The following PJA2 variants were observed in gnomAD, a reference collection of about 807,000 sequenced individuals.
PJA2 encodes praja ring finger ubiquitin ligase 2.
In PJA2, 25 loss-of-function variants were observed where a neutral mutation model predicts 69.3. That is an observed-to-expected ratio of 0.36 (90% confidence interval 0.26 to 0.50). PJA2 has a LOEUF of 0.50. Ranked by LOEUF, PJA2 falls within the 20% of genes least tolerant of loss-of-function variation. PJA2 has a pLI of 0.96. For synonymous variants in PJA2, 308 were observed against 277.8 expected (o/e 1.11, Z -1.08); for missense variants, 809 against 830.2 (o/e 0.97, Z 0.31).
intron 9 of PJA2, among the ~76,000 whole-genome samples, chr5:109,341,551 G>GGT (rs1762058540): frequency 1.4e-5 from 2 of 141,948 alleles, no homozygotes; most frequent in African/African-American, 5.3e-5. Context: ...AGGGAGGTGG[G>GGT]GGGGGGTCAG....
At chr5:109,353,566 A>ATCATAGACATCTATATATTAGATATCT (rs1762321658) in intron 7 of PJA2, among the ~76,000 whole-genome samples, 2 of 140,232 alleles carry the variant, frequency 1.4e-5, no homozygotes, top group African/African-American at 5.4e-5. Flanking sequence ...AGATATCTAT[A>ATCATAGACATCTATATATTAGATATCT]ATATCATAGA....
intron 1 of PJA2, among the ~76,000 whole-genome samples, chr5:109,408,774 A>C (rs1747752389): frequency 6.6e-6 from 1 of 152,258 alleles, no homozygotes; most frequent in African/African-American, 2.4e-5. Context: ...CATGAACCCC[A>C]AAAGACAATT....
chr5:109,353,801 G>C (rs1457760529), intron 7 of PJA2, among the ~76,000 whole-genome samples: 2 of 132,556 alleles, frequency 1.5e-5, no homozygotes, highest in African/African-American at 5.4e-5. Context: ...GATATCTAGA[G>C]ATATCTATAG....
Position 109,335,942 on chromosome 5 carries a change from T to C in PJA2, c.*1289A>G, listed in dbSNP as rs1170730437. On this transcript the variant is annotated 3_prime_UTR_variant, in exon 10 of 10. Transcript: ENST00000361189. ...TTTACAATATATGCAAAAATTAGAA[T>C]GCAAGTGTTATGTTCCTTATATTTA... 6.6e-6 allele frequency: 1 copy of C among 152,646 alleles called. No individual in the cohort carries two copies. Among genetic ancestry groups the C allele is most frequent in the African/African-American group, 2.4e-5 (1 of 41,456 alleles). 9.5% of individuals were successfully genotyped at this position (152,646 alleles called of 1,614,324 possible).
chr5:109,361,126 T>C (rs1762497389), intron 6 of PJA2, among the ~76,000 whole-genome samples: 1 of 152,158 alleles, frequency 6.6e-6, no homozygotes, highest in African/African-American at 2.4e-5. Flanking sequence ...AGACTCCATC[T>C]CAAACAAACA....
chr5:109,400,434 C>T (rs1747513127), intron 1 of PJA2, among the ~76,000 whole-genome samples: 1 of 139,020 alleles, frequency 7.2e-6, no homozygotes, highest in African/African-American at 2.7e-5. Flanking sequence ...ATTAAATGAG[C>T]TGCCATGAGT....
chr5:109,409,946 C>CTGGCGGCTG lies in PJA2; in HGVS notation c.-201_-193dup, dbSNP rs940964665. The CTGGCGGCTG allele has an allele frequency of 2.8e-5, 6 of 211,178 alleles. No homozygotes were observed. The highest frequency in any genetic ancestry group is 5.6e-5 in the Non-Finnish European group (6 of 106,780). 13.1% of individuals were successfully genotyped at this position (211,178 alleles called of 1,614,324 possible). ...TCCTCCCCCGCCGAACGCGAAGCGG[C>CTGGCGGCTG]TGGCGGCTGTGGCGGCGGCGGCGGC... is the stretch of plus-strand genomic sequence containing the variant. On this transcript the variant is annotated 5_prime_UTR_variant, in exon 1 of 10. Transcript: ENST00000361189.
At chr5:109,395,232 C>T (rs190386168) in intron 1 of PJA2, among the ~76,000 whole-genome samples, 1 of 152,228 alleles carries the variant, frequency 6.6e-6, no homozygotes, top group East Asian at 1.9e-4. Flanking sequence ...AAAAATATAA[C>T]TTAAAAGGAC....
At chr5:109,405,437 G>A (rs1747662996) in intron 1 of PJA2, among the ~76,000 whole-genome samples, 1 of 152,044 alleles carries the variant, frequency 6.6e-6, no homozygotes, top group African/African-American at 2.4e-5. Context: ...AAAGCTTTAC[G>A]GTAAAGTTAG....
intron 1 of PJA2, among the ~76,000 whole-genome samples, chr5:109,392,799 T>C (rs1344848531): frequency 6.6e-6 from 1 of 152,172 alleles, no homozygotes; most frequent in African/African-American, 2.4e-5. Context: ...ACTACATTAA[T>C]TGGATACTGA....
At chr5:109,369,887 C>A (rs1250063960) in intron 4 of PJA2, among the ~76,000 whole-genome samples, 1 of 152,082 alleles carries the variant, frequency 6.6e-6, no homozygotes, top group Non-Finnish European at 1.5e-5. Context: ...ACAAAATTAG[C>A]TGGGCGTGGC....
Position 109,379,267 on chromosome 5 carries a change from C to T in PJA2, c.233-13G>A. 1 of 1,535,818 alleles carries T rather than the reference C, an allele frequency of 6.5e-7. No individual in the cohort carries two copies. The highest frequency in any genetic ancestry group is 8.8e-7 in the Non-Finnish European group (1 of 1,137,502). On this transcript the variant is annotated splice_polypyrimidine_tract_variant and intron_variant, in intron 3 of 9. Transcript: ENST00000361189. ...AAAGGACTGGAACCTTCATAAAAAA[C>T]AAAAGAAAACATATTTTAAAGGATT...
chr5:109,368,556 C>T lies in PJA2; in HGVS notation c.1469+5G>A. Reference sequence around the variant, plus strand: ...CAGAAAAATAAATCTCACTGTTGAACATACCCTTCCTGAAGAGATAATTCT... The same window carrying T: ...CAGAAAAATAAATCTCACTGTTGAATATACCCTTCCTGAAGAGATAATTCT... On this transcript the variant is annotated splice_donor_5th_base_variant and intron_variant, in intron 5 of 9. Transcript: ENST00000361189. The T allele has an allele frequency of 6.2e-7, 1 of 1,609,626 alleles. No homozygotes were observed. The highest frequency in any genetic ancestry group is 8.5e-7 in the Non-Finnish European group (1 of 1,177,886).
Position 109,379,260 on chromosome 5 carries a change from T to TA in PJA2, c.233-7dup, listed in dbSNP as rs554151850. On this transcript the variant is annotated splice_polypyrimidine_tract_variant and splice_region_variant and intron_variant, in intron 3 of 9. Transcript: ENST00000361189. ...TTGATCCAAAGGACTGGAACCTTCA[T>TA]AAAAAACAAAAGAAAACATATTTTA... 39 of 1,563,420 alleles carry TA rather than the reference T, an allele frequency of 2.5e-5. No homozygotes were observed. In the South Asian group the frequency reaches 3.8e-4, roughly 15 times the overall value.
chr5:109,383,313 G>A lies in PJA2; in HGVS notation c.31+90C>T, dbSNP rs1747091826. 24 of 1,147,256 alleles carry A rather than the reference G, an allele frequency of 2.1e-5. No individual in the cohort carries two copies. In the South Asian group the frequency reaches 2.6e-4, roughly 13 times the overall value. 71.1% of individuals were successfully genotyped at this position (1,147,256 alleles called of 1,614,324 possible). On this transcript the variant is annotated intron_variant, in intron 2 of 9. Coordinates refer to ENST00000361189, the MANE Select transcript of PJA2 (RefSeq NM_014819.5). The stretch of plus-strand genomic sequence containing the variant: ...AACCAGCCTTTTAGTAAGACCACAG[G>A]TCAGATGATCATATGTCACTTACTG...
chr5:109,355,996 T>G lies in PJA2; in HGVS notation c.1683A>C (p.Gly561=), dbSNP rs982544053. The G allele has an allele frequency of 8.7e-6, 14 of 1,611,740 alleles. No homozygotes were observed. Among genetic ancestry groups the G allele is most frequent in the Non-Finnish European group, 1.2e-5 (14 of 1,179,502 alleles). Residue 561 remains glycine, a synonymous_variant, in exon 7 of 10, where the codon GGA becomes GGC. Transcript: ENST00000361189. ...CCACATATGAAATAGCTTCAGCAAC[T>G]CCTAGTCCATCTGCAAAGCCATCAA... ...SLFDGFADGL[G]VAEAISYVDP...
At chr5:109,352,702 AAGC>A (rs1032779333) in intron 7 of PJA2, among the ~76,000 whole-genome samples, 4 of 152,038 alleles carry the variant, frequency 2.6e-5, no homozygotes, top group Non-Finnish European at 4.4e-5. Context: ...AGTGATGACA[AAGC>A]AGAGCTAGCA....
chr5:109,354,192 A>ATGTC (rs1175954089), intron 7 of PJA2, among the ~76,000 whole-genome samples: 12 of 142,866 alleles, frequency 8.4e-5, no homozygotes, highest in Non-Finnish European at 1.6e-4. Context: ...GATATCTATG[A>ATGTC]TATCTAGAGA....
chr5:109,381,412 C>G (rs1747045426), intron 3 of PJA2, 91 bp downstream of exon 3: 1 of 913,042 alleles, frequency 1.1e-6, no homozygotes, highest in South Asian at 1.7e-5. Flanking sequence ...TTTACACTCA[C>G]AGACATGCAT....
Sources: allele counts gnomAD v4.1 joint callset (sites outside exome capture counted in the v4.1 genomes callset), GRCh38; gene constraint gnomAD v4.1.1; transcripts MANE v1.5; gene names NCBI Gene and HGNC (gene_info 2026-07-23, HGNC 2026-07-21).